GBP7: variants seen among roughly 807,000 people sequenced by gnomAD.
GBP7 encodes the protein guanylate binding protein 7.
In GBP7, 43 loss-of-function variants were observed where a neutral mutation model predicts 61.3. The observed-to-expected ratio is 0.70, with a 90% confidence interval of 0.55 to 0.91. The LOEUF (loss-of-function observed/expected upper bound fraction) is 0.91. Among genes scored for constraint, GBP7 ranks in the 40% least tolerant of loss-of-function variants. The pLI is 0.00. For synonymous variants in GBP7, 267 were observed against 271.0 expected (o/e 0.99, Z 0.14); for missense variants, 717 against 740.5 (o/e 0.97, Z 0.37).
chr1:89,143,674 A>G (rs939339725), intron 8 of GBP7, among the ~76,000 whole-genome samples: 2 of 152,196 alleles, frequency 1.3e-5, no homozygotes, highest in African/African-American at 2.4e-5. Context: ...AGGAGCTTGC[A>G]TGTCACATGA....
chr1:89,157,277 A>C lies in GBP7; in HGVS notation c.319-4500T>G, dbSNP rs972036549. ...GGAAAGATCTAAAATTGACATCCTA[A>C]CATCACAATTAAAAGAACTAGAGAA... On this transcript the variant is annotated intron_variant, in intron 3 of 10. Transcript: ENST00000294671. Among the ~76,000 whole-genome samples the C allele has an allele frequency of 9.9e-5, 15 of 152,230 alleles. 1 individual carries two copies. The highest frequency in any genetic ancestry group is 3.1e-4 in the African/African-American group (13 of 41,448).
rs758383190 is a variant in GBP7, at chr1:89,152,447, G to A, written c.446C>T (p.Thr149Ile). The A allele has an allele frequency of 1.8e-5, 29 of 1,613,938 alleles. No homozygotes were observed. The African/African-American group carries it at 3.2e-4, about 18-fold the overall frequency. The change falls in exon 5 of 11, where the codon ACA becomes ATA. Residue 149 changes from threonine to isoleucine, a missense_variant. By Grantham distance (89) the Thr-to-Ile change is moderately conservative. This residue lies in a region of GBP7 where 387 missense variants were observed against 385.2 expected (regional missense o/e 1.00). Coordinates refer to ENST00000294671, the MANE Select transcript of GBP7 (RefSeq NM_207398.3). The stretch of plus-strand genomic sequence containing the variant: ...GCACGATTTTGCCCTGATTAGCTCT[G>A]TTAGCTCAGTCACGTAGCTGGGATC... ...LEQLHYVTELTELIRAKSCPR... is the reference protein window; with the variant it reads ...LEQLHYVTELIELIRAKSCPR...
chr1:89,171,971 A>G lies in GBP7; in HGVS notation c.-19-17T>C. 6.4e-7 allele frequency: 1 copy of G among 1,560,662 alleles called. No individual in the cohort carries two copies. ...TTCCTCTGTCTGCAAGGAAAAAATG[A>G]AATGGAAAGTAATGTCTGGTAAGTC... On this transcript the variant is annotated splice_polypyrimidine_tract_variant and intron_variant, in intron 1 of 10. Coordinates refer to ENST00000294671, the MANE Select transcript of GBP7 (RefSeq NM_207398.3).
At chr1:89,163,396 CTTT>C (rs79742670) in intron 3 of GBP7, among the ~76,000 whole-genome samples, 2 of 137,178 alleles carry the variant, frequency 1.5e-5, no homozygotes, top group African/African-American at 5.3e-5. Context: ...TGTTTCTGGG[CTTT>C]TTTTTTTTTT....
At chr1:89,150,217 C>T in intron 6 of GBP7, 113 bp downstream of exon 6, 2 of 986,092 alleles carry the variant, frequency 2.0e-6, no homozygotes, top group Non-Finnish European at 3.1e-6. Context: ...TATCCCACAC[C>T]TCATAACACA....
intron 2 of GBP7, among the ~76,000 whole-genome samples, chr1:89,166,448 A>G (rs2100659432): frequency 6.6e-6 from 1 of 152,312 alleles, no homozygotes; most frequent in East Asian, 1.9e-4. Context: ...TAGCCCAGTA[A>G]GACCAGATTT....
intron 3 of GBP7, among the ~76,000 whole-genome samples, chr1:89,161,717 T>C (rs1363375998): frequency 6.6e-6 from 1 of 152,190 alleles, no homozygotes; most frequent in Admixed American, 6.5e-5. Flanking sequence ...TCCCATTCTT[T>C]AGGTTGTTTG....
intron 2 of GBP7, among the ~76,000 whole-genome samples, chr1:89,166,598 T>G (rs1647449629): frequency 6.6e-6 from 1 of 152,212 alleles, no homozygotes; most frequent in African/African-American, 2.4e-5. Flanking sequence ...TTCTAGAATT[T>G]TAAAGGCGGA....
intron 8 of GBP7, among the ~76,000 whole-genome samples, chr1:89,145,030 G>A (rs991801141): frequency 6.1e-5 from 9 of 147,390 alleles, no homozygotes; most frequent in African/African-American, 2.3e-4. Flanking sequence ...TCGGTTCACT[G>A]CAACCTCTGC....
chr1:89,166,482 T>C (rs903993297), intron 2 of GBP7, among the ~76,000 whole-genome samples: 2 of 152,174 alleles, frequency 1.3e-5, no homozygotes, highest in African/African-American at 4.8e-5. Context: ...CCCACTGAAG[T>C]GTTTCAGATG....
At chr1:89,166,213 C>G (rs986799566) in intron 2 of GBP7, among the ~76,000 whole-genome samples, 1 of 152,144 alleles carries the variant, frequency 6.6e-6, no homozygotes, top group South Asian at 2.1e-4. Context: ...AGGGCTGATA[C>G]AAGAGGTCCG....
At chr1:89,144,476 A>G (rs1682021116) in intron 8 of GBP7, among the ~76,000 whole-genome samples, 1 of 152,106 alleles carries the variant, frequency 6.6e-6, no homozygotes, top group African/African-American at 2.4e-5. Flanking sequence ...CCCACAGAGG[A>G]ATTTACAATT....
intron 2 of GBP7, among the ~76,000 whole-genome samples, chr1:89,165,661 C>T (rs572433143): frequency 8.4e-4 from 128 of 151,882 alleles, no homozygotes; most frequent in African/African-American, 3.0e-3. Flanking sequence ...AGCAAGCTAA[C>T]GCAGGAACAG....
chr1:89,149,477 T>C lies in GBP7; in HGVS notation c.967A>G (p.Asn323Asp), dbSNP rs761731258. Residue 323 changes from asparagine (N) to aspartate (D), a missense_variant, in exon 7 of 11, where the codon AAC (asparagine) becomes GAC (aspartate). Asn to Asp is a conservative substitution (Grantham distance 23). Transcript: ENST00000294671. Reference sequence around the variant, plus strand: ...GCTGCCCTCTGCACGGCTGCTGAGTTCTCACACTGGGCCAGAACTGCCATT... The same window carrying C: ...GCTGCCCTCTGCACGGCTGCTGAGTCCTCACACTGGGCCAGAACTGCCATT... The part of the protein sequence containing the change: ...NAMAVLAQCE[N>D]SAAVQRAANH... 4 of 1,614,188 alleles carry C rather than the reference T, an allele frequency of 2.5e-6. No individual in the cohort carries two copies. In the African/African-American group the frequency reaches 4.0e-5, roughly 16 times the overall value.
chr1:89,155,783 T>G (rs10922580), intron 3 of GBP7, among the ~76,000 whole-genome samples: 33,286 of 152,048 alleles, frequency 0.22, 3,938 homozygotes, highest in East Asian at 0.38. Context: ...AAAACACTCT[T>G]CAGGATATTA....
Position 89,149,516 on chromosome 1 carries a change from A to G in GBP7, c.928T>C (p.Cys310Arg), listed in dbSNP as rs1393407112. The change falls in exon 7 of 11, where the codon TGT (cysteine) becomes CGT (arginine). Residue 310 changes from cysteine (C) to arginine (R), a missense_variant. Coordinates refer to ENST00000294671, the MANE Select transcript of GBP7 (RefSeq NM_207398.3). ...AGAACTGCCATTGCATTCTCCAGAC[A>G]AGGAGTCGCTCCACTGTTGATGGCA... ...LDAINSGATP[C>R]LENAMAVLAQ... 6.2e-7 allele frequency: 1 copy of G among 1,614,174 alleles called. No homozygotes were observed. Among genetic ancestry groups the G allele is most frequent in the South Asian group, 1.1e-5 (1 of 91,082 alleles).
chr1:89,155,851 A>G lies in GBP7; in HGVS notation c.319-3074T>C, dbSNP rs376176554. Among the ~76,000 whole-genome samples, 3 of 152,362 alleles carry G rather than the reference A, an allele frequency of 2.0e-5. No homozygotes were observed. In the South Asian group the frequency reaches 6.2e-4, roughly 32 times the overall value. On this transcript the variant is annotated intron_variant, in intron 3 of 10. Coordinates refer to ENST00000294671, the MANE Select transcript of GBP7 (RefSeq NM_207398.3). The stretch of plus-strand genomic sequence containing the variant: ...GCCAACATTCAAATTCAGGAAATAC[A>G]CAGAATGCCACAAAGATACTCCTCG...
chr1:89,172,441 T>C (rs1170233212), intron 1 of GBP7, among the ~76,000 whole-genome samples: 1 of 152,242 alleles, frequency 6.6e-6, no homozygotes, highest in African/African-American at 2.4e-5. Context: ...GTCTTTGACA[T>C]TTTAGAATAG....
chr1:89,148,971 A>G (rs1682129860), intron 7 of GBP7, among the ~76,000 whole-genome samples: 2 of 152,234 alleles, frequency 1.3e-5, no homozygotes, highest in South Asian at 4.1e-4. Context: ...ATATATATTA[A>G]CTCAAATATT....
Sources: allele counts gnomAD v4.1 joint callset (sites outside exome capture counted in the v4.1 genomes callset), GRCh38; gene constraint gnomAD v4.1.1; regional missense constraint gnomAD v4.1.1; transcripts MANE v1.5; gene names NCBI Gene and HGNC (gene_info 2026-07-23, HGNC 2026-07-21).